The following DHX16 variants were observed in gnomAD, a reference collection of about 807,000 sequenced individuals.
The protein encoded by DHX16 is DEAH-box helicase 16.
A neutral mutation model predicts 131.2 loss-of-function variants in DHX16; 81 were observed. The ratio of observed to expected loss-of-function variants is 0.62; its 90% CI spans 0.52 to 0.74. The LOEUF is 0.74. Ranked by LOEUF, DHX16 falls within the 30% of genes least tolerant of loss-of-function variation. The pLI is 0.00. For missense variants in DHX16, 980 were observed against 1,363.1 expected (o/e 0.72, Z 4.43); for synonymous variants, 440 against 520.2 (o/e 0.85, Z 2.10).
Position 30,655,239 on chromosome 6 carries a change from C to G in DHX16, c.2759G>C (p.Gly920Ala), listed in dbSNP as rs772501487. The change falls in exon 18 of 20, where the codon GGG (glycine) becomes GCG (alanine). Residue 920 changes from glycine (G) to alanine (A), a missense_variant. Gly to Ala is a moderately conservative substitution (Grantham distance 60). Coordinates refer to ENST00000376442, the MANE Select transcript of DHX16 (RefSeq NM_003587.5). ...RARDVREQLE[G>A]LLERVEVGLS... ...ACCAACTTCCACACGTTCCAAGAGCCCTTCCAGCTGTTCCCGCACATCCCG... is the reference window on the plus strand; with the variant it reads ...ACCAACTTCCACACGTTCCAAGAGCGCTTCCAGCTGTTCCCGCACATCCCG... 1 of 1,614,218 alleles carries G rather than the reference C, an allele frequency of 6.2e-7. No homozygotes were observed. Among genetic ancestry groups the G allele is most frequent in the Non-Finnish European group, 8.5e-7 (1 of 1,180,046 alleles).
intron 18 of DHX16, 112 bp from the exon 19 acceptor site, chr6:30,654,991 C>T: frequency 7.1e-7 from 1 of 1,402,906 alleles, no homozygotes; most frequent in African/African-American, 1.4e-5. Flanking sequence ...GTAAGGAATG[C>T]ATGAAGAACT....
intron 4 of DHX16, among the ~76,000 whole-genome samples, chr6:30,669,728 A>G (rs1396206926): frequency 1.3e-5 from 2 of 149,688 alleles, no homozygotes; most frequent in Non-Finnish European, 3.0e-5. Context: ...CCGTTTCAAA[A>G]AAAAGAAAAA....
Position 30,672,942 on chromosome 6 carries a change from C to G in DHX16, c.-101G>C. Reference sequence around the variant, plus strand: ...GAGCCCTCGGCTGGAGCCTCAGCTTCGCAAGTCAGCTACCTTGGGACCTCT... The same window carrying G: ...GAGCCCTCGGCTGGAGCCTCAGCTTGGCAAGTCAGCTACCTTGGGACCTCT... On this transcript the variant is annotated 5_prime_UTR_variant, in exon 1 of 20. Coordinates refer to ENST00000376442, the MANE Select transcript of DHX16 (RefSeq NM_003587.5). The G allele has an allele frequency of 6.4e-7, 1 of 1,560,006 alleles. No individual in the cohort carries two copies. Among genetic ancestry groups the G allele is most frequent in the African/African-American group, 1.4e-5 (1 of 73,390 alleles).
intron 12 of DHX16, among the ~76,000 whole-genome samples, chr6:30,658,457 C>T (rs528643350): frequency 2.0e-5 from 3 of 151,700 alleles, no homozygotes; most frequent in Admixed American, 2.0e-4. Flanking sequence ...ACAGGAGAAT[C>T]GCTTGAACCT....
chr6:30,663,733 A>G (rs146160491), intron 7 of DHX16, among the ~76,000 whole-genome samples: 2 of 150,252 alleles, frequency 1.3e-5, no homozygotes, highest in African/African-American at 4.9e-5. Flanking sequence ...AAAAAAAAAA[A>G]AAAAAATTTC....
Position 30,663,011 on chromosome 6 carries a change from T to C in DHX16, c.1328A>G (p.Asn443Ser). 6.2e-7 allele frequency: 1 copy of C among 1,613,086 alleles called. No homozygotes were observed. Among genetic ancestry groups the C allele is most frequent in the Non-Finnish European group, 8.5e-7 (1 of 1,179,812 alleles). The change falls in exon 8 of 20, where the codon AAC (asparagine) becomes AGC (serine). Residue 443 changes from asparagine to serine, a missense_variant. Physicochemically the swap from Asn to Ser is conservative, Grantham distance 46. Coordinates refer to ENST00000376442, the MANE Select transcript of DHX16 (RefSeq NM_003587.5). Reference protein sequence around the residue: ...PQYLFEEGYTNKGMKIACTQP... With the variant: ...PQYLFEEGYTSKGMKIACTQP... ...GGTGCAGGCAATCTTCATACCCTTG[T>C]TTGTATAACCCTGAATGACAAAGAA...
intron 4 of DHX16, among the ~76,000 whole-genome samples, chr6:30,667,239 TTA>T (rs1769126163): frequency 6.6e-6 from 1 of 152,230 alleles, no homozygotes; most frequent in East Asian, 1.9e-4. Flanking sequence ...AAGCTCTTCT[TTA>T]TAGACAAATT....
rs1228636646 is a variant in DHX16 at position 30,672,816 on chromosome 6, C to A, written c.26G>T (p.Arg9Leu). 1 of 1,612,558 alleles carries A rather than the reference C, an allele frequency of 6.2e-7. No homozygotes were observed. The highest frequency in any genetic ancestry group is 1.1e-5 in the South Asian group (1 of 91,068). MATPAGLE[R>L]WVQDELHSVL... ...CGAGTGCAGCTCGTCCTGAACCCAG[C>A]GCTCCAGACCCGCCGGCGTCGCCAT... Residue 9 changes from arginine (R) to leucine (L), a missense_variant, in exon 1 of 20, where the codon CGC becomes CTC. Arg to Leu is a moderately radical substitution (Grantham distance 102). Transcript: ENST00000376442.
At position 30,671,268 on chromosome 6, in the gene DHX16, G is replaced by A. The variant is rs749683230; in HGVS notation, c.214C>T (p.Arg72Ter). The change falls in exon 2 of 20, where the codon CGA (arginine) becomes TGA (stop). Residue 72 changes from arginine to a stop codon, truncating the protein, a stop_gained. Coordinates refer to ENST00000376442, the MANE Select transcript of DHX16 (RefSeq NM_003587.5). LOFTEE classifies it high-confidence loss of function. ...GCTGGCTTTTCTACCACTGCCTTTC[G>A]TGGTACCTGTCAGTAGAGGGGAAGA... ...FALRLWNKVP[R>*]KAVVEKPARA... is the part of the protein sequence containing the mutation. The A allele has an allele frequency of 1.2e-6, 2 of 1,612,752 alleles. No homozygotes were observed. Among genetic ancestry groups the A allele is most frequent in the Admixed American group, 1.7e-5 (1 of 59,966 alleles).
In DHX16 at chr6:30,670,375, C is replaced by T. The variant is rs781455855; in HGVS notation, c.666+35G>A. The T allele has an allele frequency of 1.3e-6, 2 of 1,587,210 alleles. No individual in the cohort carries two copies. Among genetic ancestry groups the T allele is most frequent in the Admixed American group, 1.7e-5 (1 of 57,830 alleles). ...TCTATCAGAAAGTCTTTCCTTTTGT[C>T]TTCTGATCTTGGCTCCCTAGGCCCT... is the stretch of plus-strand genomic sequence containing the variant. On this transcript the variant is annotated intron_variant, in intron 4 of 19. Coordinates refer to ENST00000376442, the MANE Select transcript of DHX16 (RefSeq NM_003587.5). This position sits in a 1 kb window ranked among gnomAD's most constrained non-coding sequence, Gnocchi z 4.4.
In DHX16 at chr6:30,662,629, G is replaced by A. The variant is rs1290947784; in HGVS notation, c.1542C>T (p.Tyr514=). ...GAAAGGCCAGAGATTAGAGATACCT[G>A]TAACTCGCCAGGTCAGGCTCAGAGA... is the stretch of plus-strand genomic sequence containing the variant. The part of the protein sequence containing the change: ...EFLSEPDLAS[Y]SVVMVDEAHE... Residue 514 remains tyrosine, a splice_region_variant and synonymous_variant, in exon 9 of 20, where the codon TAC becomes TAT. Transcript: ENST00000376442. The surrounding 1 kb of genome is among the most constrained non-coding windows in gnomAD (Gnocchi z 4.7). 1.2e-6 allele frequency: 2 copies of A among 1,612,294 alleles called. No homozygotes were observed. Among genetic ancestry groups the A allele is most frequent in the African/African-American group, 1.3e-5 (1 of 74,926 alleles).
At chr6:30,654,591 C>A in intron 19 of DHX16, 115 bp downstream of exon 19, 1 of 1,032,556 alleles carries the variant, frequency 9.7e-7, no homozygotes, top group South Asian at 1.8e-5. Context: ...TCTATTTTAC[C>A]CTACCTTCCT....
chr6:30,659,628 G>A lies in DHX16; in HGVS notation c.1855-4C>T. 1 of 1,613,960 alleles carries A rather than the reference G, an allele frequency of 6.2e-7. No homozygotes were observed. The highest frequency in any genetic ancestry group is 8.5e-7 in the Non-Finnish European group (1 of 1,179,914). On this transcript the variant is annotated splice_region_variant and splice_polypyrimidine_tract_variant and intron_variant, in intron 11 of 19. Coordinates refer to ENST00000376442, the MANE Select transcript of DHX16 (RefSeq NM_003587.5). ...CACAGGCAGCCTCAATCTCCTCCTG[G>A]ATAGAGGGTAGGGAGAGCAGCAGGG...
intron 19 of DHX16, 34 bp downstream of exon 19, chr6:30,654,670 GTC>G: frequency 6.3e-7 from 1 of 1,583,928 alleles, no homozygotes; most frequent in Non-Finnish European, 8.6e-7. Flanking sequence ...TCTCTACATA[GTC>G]TCCACCTGCG....
At chr6:30,667,839 T>C (rs1488198112) in intron 4 of DHX16, among the ~76,000 whole-genome samples, 1 of 152,118 alleles carries the variant, frequency 6.6e-6, no homozygotes, top group Non-Finnish European at 1.5e-5. Flanking sequence ...CAATTCCTGC[T>C]TCAAAGAAAG....
Position 30,673,004 on chromosome 6 carries a change from C to T in DHX16, c.-163G>A, listed in dbSNP as rs769712139. ...ACATCCCAAAGCTGTCTTCCCGTAC[C>T]GCGGAGCCCGGAAGGGGCTGTACTT... On this transcript the variant is annotated 5_prime_UTR_variant, in exon 1 of 20. Transcript: ENST00000376442. 1 of 1,550,050 alleles carries T rather than the reference C, an allele frequency of 6.5e-7. No homozygotes were observed. Among genetic ancestry groups the T allele is most frequent in the Non-Finnish European group, 8.7e-7 (1 of 1,146,142 alleles).
At chr6:30,655,639 A>G in intron 16 of DHX16, 42 bp from the exon 17 acceptor site, 4 of 1,604,374 alleles carry the variant, frequency 2.5e-6, no homozygotes, top group African/African-American at 2.7e-5. Context: ...AGCAAGACAC[A>G]TAGGAACAGA....
At position 30,668,083 on chromosome 6, in the gene DHX16, C is replaced by T. The variant is rs536561983; in HGVS notation, c.666+2327G>A. ...GATCTTAGTCGATACATAAGAATTA[C>T]TGTTCAACTTCCTGACTGTGACAAG... On this transcript the variant is annotated intron_variant, in intron 4 of 19. Coordinates refer to ENST00000376442, the MANE Select transcript of DHX16 (RefSeq NM_003587.5). Among the ~76,000 whole-genome samples, 7 of 152,330 alleles carry T rather than the reference C, an allele frequency of 4.6e-5. No individual in the cohort carries two copies. The South Asian group carries it at 1.5e-3, about 32-fold the overall frequency.
intron 12 of DHX16, among the ~76,000 whole-genome samples, chr6:30,658,985 C>A (rs1768225561): frequency 6.6e-6 from 1 of 152,080 alleles, no homozygotes. Context: ...CTCCTGGGTT[C>A]AAGCGATTCT....
Sources: gnomAD v4.1 joint callset for allele counts (sites outside exome capture counted in the v4.1 genomes callset) on GRCh38, gnomAD v4.1.1 for gene constraint, Gnocchi (gnomAD v3.1) non-coding constraint, MANE v1.5 for transcripts, NCBI Gene and HGNC (gene_info 2026-07-23, HGNC 2026-07-21) for gene names.